The following PCDH11X variants were observed in gnomAD, a reference collection of about 807,000 sequenced individuals.
PCDH11X encodes the protein protocadherin-11 X-linked.
A neutral mutation model predicts 53.3 loss-of-function variants in PCDH11X; 18 were observed. That is an observed-to-expected ratio of 0.34 (90% CI 0.23 to 0.50). PCDH11X has a LOEUF of 0.50. PCDH11X is among the 20% of genes least tolerant of loss of function. The pLI, the probability that PCDH11X is intolerant of heterozygous loss-of-function variation, is 0.98. For missense variants in PCDH11X, 570 were observed against 1,032.4 expected (o/e 0.55, Z 6.14); for synonymous variants, 279 against 393.3 (o/e 0.71, Z 3.44).
chrX:92,599,696 A>G (rs1197512393), intron 10 of PCDH11X, among the ~76,000 whole-genome samples: 1 of 111,679 alleles, frequency 9.0e-6, no homozygotes, highest in Non-Finnish European at 1.9e-5. Flanking sequence ...TTATTATATT[A>G]AGATACCCGA....
At chrX:92,166,041 T>A (rs1481958858) in intron 6 of PCDH11X, among the ~76,000 whole-genome samples, 1 of 111,687 alleles carries the variant, frequency 9.0e-6, no homozygotes, top group Non-Finnish European at 1.9e-5. Context: ...ACTTCTATTG[T>A]GTAAACTTAG....
intron 5 of PCDH11X, among the ~76,000 whole-genome samples, chrX:91,859,733 G>T (rs1602377004): frequency 1.0e-5 from 1 of 98,698 alleles, no homozygotes; most frequent in African/African-American, 3.7e-5. Flanking sequence ...CCCATTGCTT[G>T]TTTTTTTTTT....
intron 6 of PCDH11X, among the ~76,000 whole-genome samples, chrX:91,975,004 G>A (rs747262112): frequency 3.6e-5 from 4 of 110,860 alleles, no homozygotes; most frequent in African/African-American, 9.8e-5. Context: ...CGCCTGCCTC[G>A]GCCGCCCAAA....
chrX:91,791,396 C>A (rs1443172054), intron 1 of PCDH11X, among the ~76,000 whole-genome samples: 5 of 110,310 alleles, frequency 4.5e-5, no homozygotes, highest in African/African-American at 9.9e-5. Flanking sequence ...GGAGTCACGT[C>A]TTATATGGCC....
chrX:92,618,608 G>A lies in PCDH11X; in HGVS notation c.3712G>A (p.Ala1238Thr). 1 of 1,211,755 alleles carries A rather than the reference G, an allele frequency of 8.3e-7. No individual in the cohort carries two copies. The highest frequency in any genetic ancestry group is 1.1e-6 in the Non-Finnish European group (1 of 895,488). ...TGCACTTCACCACAGCCCACCATCA[G>A]CACAGGCCTCAGCCCTCTGCTACAG... is the stretch of plus-strand genomic sequence containing the variant. ...ATALHHSPPS[A>T]QASALCYSPP... Residue 1238 changes from alanine to threonine, a missense_variant, in exon 11 of 11, where the codon GCA becomes ACA. Ala to Thr is a moderately conservative substitution (Grantham distance 58, BLOSUM62 0). Around this residue, in one of 6 missense-constraint regions of PCDH11X, gnomAD observed 234 missense variants for 296.1 expected, o/e 0.79. Transcript: ENST00000682573.
chrX:92,143,816 G>T (rs2065227742), intron 6 of PCDH11X, among the ~76,000 whole-genome samples: 1 of 111,458 alleles, frequency 9.0e-6, no homozygotes, highest in African/African-American at 3.3e-5. Context: ...CTGACTGCTT[G>T]CACCCTGCGC....
chrX:92,262,406 A>G, intron 7 of PCDH11X, among the ~76,000 whole-genome samples: 1 of 111,826 alleles, frequency 8.9e-6, no homozygotes, highest in Non-Finnish European at 1.9e-5. Context: ...TCCTCTACAA[A>G]GGAGAATGAA....
intron 9 of PCDH11X, among the ~76,000 whole-genome samples, chrX:92,416,367 A>G (rs1450384560): frequency 1.8e-5 from 2 of 110,648 alleles, no homozygotes; most frequent in Admixed American, 1.9e-4. Context: ...GAGGATGGAT[A>G]CTCCATTCTC....
At chrX:92,193,649 A>G (rs2148311762) in intron 6 of PCDH11X, among the ~76,000 whole-genome samples, 1 of 111,460 alleles carries the variant, frequency 9.0e-6, no homozygotes, top group East Asian at 2.8e-4. Context: ...ATAATAAATT[A>G]CTGTATATTT....
chrX:92,282,135 GTGGGGGAATAAGAAGTTCTAAAATAA>G (rs1284978051), intron 8 of PCDH11X, among the ~76,000 whole-genome samples: 4 of 110,864 alleles, frequency 3.6e-5, no homozygotes, highest in Non-Finnish European at 7.6e-5. Context: ...AGAAAAGGGA[GTGGGGGAATAAGAAGTTCTAAAATAA>G]TGTTTTGGAG....
In PCDH11X at chrX:92,621,300, T is replaced by C. The variant is rs1036234304; in HGVS notation, c.*2360T>C. On this transcript the variant is annotated 3_prime_UTR_variant, in exon 11 of 11. Coordinates refer to ENST00000682573, the MANE Select transcript of PCDH11X (RefSeq NM_032968.5). ...ATATTTGGGATTTTTCTTCTGACAG[T>C]ATAATTTATTGAGTTACTAGGGAGG... 1 of 108,798 alleles carries C rather than the reference T, an allele frequency of 9.2e-6. No individual in the cohort carries two copies. Among genetic ancestry groups the C allele is most frequent in the African/African-American group, 3.4e-5 (1 of 29,577 alleles). The allele number at this position is 108,798 out of a possible 1,213,427, so 9.0% of individuals were successfully genotyped here.
intron 6 of PCDH11X, among the ~76,000 whole-genome samples, chrX:91,942,798 A>ATAAAAT (rs1045001704): frequency 9.0e-6 from 1 of 111,441 alleles, no homozygotes; most frequent in African/African-American, 3.2e-5. Context: ...CTTAATGAAT[A>ATAAAAT]TAGATATAAA....
intron 10 of PCDH11X, among the ~76,000 whole-genome samples, chrX:92,583,320 C>T (rs1316621740): frequency 7.3e-5 from 7 of 96,252 alleles, no homozygotes; most frequent in Non-Finnish European, 1.0e-4. Flanking sequence ...AGGCTAGTCT[C>T]GAACTCCCAA....
chrX:92,200,104 T>C (rs2148320862), intron 6 of PCDH11X, among the ~76,000 whole-genome samples: 1 of 111,969 alleles, frequency 8.9e-6, no homozygotes, highest in East Asian at 2.8e-4. Context: ...TTTTGCCCAT[T>C]TTTAAATTAA....
intron 10 of PCDH11X, among the ~76,000 whole-genome samples, chrX:92,482,802 T>G (rs901222110): frequency 2.7e-5 from 3 of 109,631 alleles, no homozygotes; most frequent in African/African-American, 9.9e-5. Flanking sequence ...TCCTTTACTT[T>G]GTTTTTCTCT....
intron 8 of PCDH11X, among the ~76,000 whole-genome samples, chrX:92,331,338 C>T (rs1285429388): frequency 2.8e-4 from 9 of 32,260 alleles, no homozygotes; most frequent in East Asian, 2.9e-3. Context: ...TTCTTCCTTC[C>T]TTCCTTTTCC....
chrX:92,481,288 ACACACACACACCCCACACACACACACCC>A (rs2073498791), intron 10 of PCDH11X, among the ~76,000 whole-genome samples: 1 of 105,309 alleles, frequency 9.5e-6, no homozygotes, highest in Non-Finnish European at 1.9e-5. Flanking sequence ...CAGGGTTCAC[ACACACACACACCCCACACACACACACCC>A]CACACACACA....
At chrX:92,400,040 C>T (rs757196745) in intron 9 of PCDH11X, among the ~76,000 whole-genome samples, 2 of 106,943 alleles carry the variant, frequency 1.9e-5, no homozygotes, top group Non-Finnish European at 3.8e-5. Flanking sequence ...CGTGAGCCAC[C>T]GTGCCCGGCC....
intron 9 of PCDH11X, among the ~76,000 whole-genome samples, chrX:92,410,262 T>C (rs2071613731): frequency 9.1e-6 from 1 of 109,840 alleles, no homozygotes; most frequent in Non-Finnish European, 1.9e-5. Flanking sequence ...CAATTTTCTC[T>C]TCTCCTCCTA....
Sources: allele counts gnomAD v4.1 joint callset (sites outside exome capture counted in the v4.1 genomes callset), GRCh38; gene constraint gnomAD v4.1.1; regional missense constraint gnomAD v4.1.1; transcripts MANE v1.5; gene names NCBI Gene and HGNC (gene_info 2026-07-23, HGNC 2026-07-21).